The following TRIO variants were observed in gnomAD, a reference collection of about 807,000 sequenced individuals.
The protein encoded by TRIO is triple functional domain protein.
In TRIO, 58 loss-of-function variants were observed where a neutral mutation model predicts 351.9. That is an observed-to-expected ratio of 0.16 (90% CI 0.13 to 0.21). TRIO has a LOEUF of 0.21. TRIO is among the 10% of genes least tolerant of loss of function. The pLI is 1.00. For missense variants in TRIO, 3,201 were observed against 4,027.8 expected (o/e 0.79, Z 5.56); for synonymous variants, 1,758 against 1,595.7 (o/e 1.10, Z -2.42).
chr5:14,426,504 A>G (rs1377355092), intron 34 of TRIO, among the ~76,000 whole-genome samples: 2 of 152,224 alleles, frequency 1.3e-5, no homozygotes, highest in African/African-American at 4.8e-5. Flanking sequence ...ATGAACTCCA[A>G]GGAACGCTGA....
At chr5:14,327,981 A>T (rs368072196) in intron 9 of TRIO, among the ~76,000 whole-genome samples, 3 of 152,384 alleles carry the variant, frequency 2.0e-5, no homozygotes, top group East Asian at 3.8e-4. Context: ...TGAATGTAGC[A>T]ATACCTTATA....
chr5:14,500,793 TGGG>T (rs1313603996), intron 53 of TRIO, among the ~76,000 whole-genome samples: 1 of 140,042 alleles, frequency 7.1e-6, no homozygotes, highest in Non-Finnish European at 1.5e-5. Context: ...GAGGCTGAGG[TGGG>T]GGGATCACTT....
intron 38 of TRIO, among the ~76,000 whole-genome samples, chr5:14,471,690 G>A (rs1444293277): frequency 6.6e-6 from 1 of 152,156 alleles, no homozygotes; most frequent in Non-Finnish European, 1.5e-5. Flanking sequence ...TCATAAGTAA[G>A]AATGATGCAA....
intron 15 of TRIO, 112 bp from the exon 16 acceptor site, chr5:14,366,748 C>A: frequency 6.7e-7 from 1 of 1,497,630 alleles, no homozygotes; most frequent in South Asian, 1.4e-5. Context: ...ATCAGTGCCT[C>A]GTACCTGCCA....
intron 1 of TRIO, among the ~76,000 whole-genome samples, chr5:14,198,734 G>T (rs1480901869): frequency 2.6e-5 from 4 of 152,120 alleles, no homozygotes; most frequent in Non-Finnish European, 5.9e-5. Context: ...AGTCCATAGT[G>T]ACTGTAGGGG....
chr5:14,201,140 A>G (rs930768008), intron 1 of TRIO, among the ~76,000 whole-genome samples: 8 of 152,008 alleles, frequency 5.3e-5, no homozygotes, highest in African/African-American at 9.7e-5. Context: ...CGTTCCTGTA[A>G]TCCCAGCTAC....
intron 1 of TRIO, among the ~76,000 whole-genome samples, chr5:14,211,581 C>T (rs1464508373): frequency 1.4e-5 from 2 of 141,518 alleles, no homozygotes; most frequent in Admixed American, 1.4e-4. Context: ...TTCCTGAGCA[C>T]ACTCAGTTGT....
At chr5:14,203,660 T>C (rs372541857) in intron 1 of TRIO, among the ~76,000 whole-genome samples, 2 of 152,362 alleles carry the variant, frequency 1.3e-5, no homozygotes, top group East Asian at 1.9e-4. Flanking sequence ...TGGCGTTCAG[T>C]GCCCTCAAGC....
rs569154640 is a variant in TRIO at position 14,283,377 on chromosome 5, A to G, written c.347+2941A>G. 3.3e-5 allele frequency among the ~76,000 whole-genome samples: 5 copies of G among 152,330 alleles called. No individual in the cohort carries two copies. The East Asian group carries it at 7.7e-4, about 23-fold the overall frequency. Reference sequence around the variant, plus strand: ...CTGGTGTCATATGTGAAGGGAGAACATGGGCCTCAGAATCAGACTGACTGT... The same window carrying G: ...CTGGTGTCATATGTGAAGGGAGAACGTGGGCCTCAGAATCAGACTGACTGT... On this transcript the variant is annotated intron_variant, in intron 3 of 56. Transcript: ENST00000344204.
intron 1 of TRIO, among the ~76,000 whole-genome samples, chr5:14,247,894 C>T (rs938271379): frequency 6.6e-5 from 10 of 151,966 alleles, no homozygotes; most frequent in Admixed American, 5.9e-4. Context: ...GGTGAAACCC[C>T]ATCTCTACTA....
intron 1 of TRIO, among the ~76,000 whole-genome samples, chr5:14,212,977 T>C (rs1028966247): frequency 6.6e-6 from 1 of 152,232 alleles, no homozygotes; most frequent in Non-Finnish European, 1.5e-5. Context: ...ATCTGATTTG[T>C]AATTTCTTGT....
At chr5:14,360,425 C>T (rs902616939) in intron 13 of TRIO, among the ~76,000 whole-genome samples, 2 of 152,252 alleles carry the variant, frequency 1.3e-5, no homozygotes, top group African/African-American at 4.8e-5. Context: ...CTCCTGGAGT[C>T]TAGCCGCTTC....
At chr5:14,201,430 A>G (rs1028684578) in intron 1 of TRIO, among the ~76,000 whole-genome samples, 1 of 152,226 alleles carries the variant, frequency 6.6e-6, no homozygotes, top group Non-Finnish European at 1.5e-5. Context: ...TTAAGTAGGA[A>G]TTCCAACACT....
At position 14,289,570 on chromosome 5, in the gene TRIO, G is replaced by A. The variant is rs147992723; in HGVS notation, c.541-1146G>A. Reference sequence around the variant, plus strand: ...TTTTCCTTTTTTAAAAAAAAAGGTCGTGTGCGATGTCTCATGCCTGTAATC... The same window carrying A: ...TTTTCCTTTTTTAAAAAAAAAGGTCATGTGCGATGTCTCATGCCTGTAATC... On this transcript the variant is annotated intron_variant, in intron 4 of 56. Coordinates refer to ENST00000344204, the MANE Select transcript of TRIO (RefSeq NM_007118.4). Among the ~76,000 whole-genome samples the A allele has an allele frequency of 7.9e-5, 12 of 151,858 alleles. No homozygotes were observed. The East Asian group carries it at 1.7e-3, about 22-fold the overall frequency.
At chr5:14,203,481 G>T (rs1043500469) in intron 1 of TRIO, among the ~76,000 whole-genome samples, 2 of 152,102 alleles carry the variant, frequency 1.3e-5, no homozygotes, top group African/African-American at 4.8e-5. Flanking sequence ...CATGTTTCCT[G>T]GTCAGATATT....
intron 10 of TRIO, 116 bp from the exon 11 acceptor site, chr5:14,336,420 C>A (rs1344084620): frequency 1.9e-6 from 2 of 1,056,458 alleles, no homozygotes; most frequent in Non-Finnish European, 2.8e-6. Context: ...CTGTTTGATT[C>A]ATGTAAGTGA....
At chr5:14,271,674 G>A (rs934755527) in intron 2 of TRIO, among the ~76,000 whole-genome samples, 3 of 152,200 alleles carry the variant, frequency 2.0e-5, no homozygotes, top group African/African-American at 7.2e-5. Context: ...CTATCAGGAA[G>A]TACATCTGTA....
At chr5:14,228,048 CTG>C (rs1793161803) in intron 1 of TRIO, among the ~76,000 whole-genome samples, 1 of 152,022 alleles carries the variant, frequency 6.6e-6, no homozygotes, top group Admixed American at 6.6e-5. Flanking sequence ...GTGTGGGGGC[CTG>C]TGTGGAGAGG....
intron 29 of TRIO, chr5:14,397,460 T>C: frequency 3.6e-6 from 1 of 280,066 alleles, no homozygotes; most frequent in Non-Finnish European, 6.8e-6. Flanking sequence ...TAGGTGGGTG[T>C]ATGGGTGGAT....
Sources: allele counts gnomAD v4.1 joint callset (sites outside exome capture counted in the v4.1 genomes callset), GRCh38; gene constraint gnomAD v4.1.1; transcripts MANE v1.5; gene names NCBI Gene and HGNC (gene_info 2026-07-23, HGNC 2026-07-21).